Variants in ZNF83 observed in about 807,000 individuals in gnomAD.
ZNF83 encodes the protein zinc finger protein 816B.
For synonymous variants in ZNF83, 209 were observed against 213.0 expected (o/e 0.98, Z 0.17); for missense variants, 552 against 629.9 (o/e 0.88, Z 1.32).
intron 3 of ZNF83, chr19:52,655,431 C>A: frequency 1.1e-6 from 1 of 872,800 alleles, no homozygotes; most frequent in South Asian, 1.6e-5. Flanking sequence ...GGAGGATCAT[C>A]ACTGCAGAAA....
intron 2 of ZNF83, among the ~76,000 whole-genome samples, chr19:52,623,600 T>A (rs914439693): frequency 1.3e-5 from 2 of 151,998 alleles, no homozygotes; most frequent in African/African-American, 4.8e-5. Flanking sequence ...ACCCAAAGCC[T>A]CCTTCACGTC....
chr19:52,620,841 A>G (rs991948416), intron 2 of ZNF83, among the ~76,000 whole-genome samples: 2 of 152,118 alleles, frequency 1.3e-5, no homozygotes, highest in Admixed American at 6.5e-5. Context: ...CAACTGACCA[A>G]TGGATCAACC....
intron 2 of ZNF83, among the ~76,000 whole-genome samples, chr19:52,657,027 G>T (rs2095665733): frequency 6.6e-6 from 1 of 152,010 alleles, no homozygotes. Context: ...GAGGTGGGAG[G>T]ATTGCTTGAG....
chr19:52,623,289 A>G (rs115790943), intron 2 of ZNF83, among the ~76,000 whole-genome samples: 29 of 152,092 alleles, frequency 1.9e-4, no homozygotes, highest in African/African-American at 7.0e-4. Context: ...TAACTCTTAC[A>G]GTGGGGCGTA....
At chr19:52,680,652 G>A (rs1381319722) in intron 1 of ZNF83, among the ~76,000 whole-genome samples, 42 of 114,044 alleles carry the variant, frequency 3.7e-4, no homozygotes, top group African/African-American at 9.6e-4. Flanking sequence ...TCGCTCTGTC[G>A]CCCAGGCTGG....
At chr19:52,685,384 T>A (rs375079313) in intron 1 of ZNF83, among the ~76,000 whole-genome samples, 6 of 151,972 alleles carry the variant, frequency 3.9e-5, no homozygotes, top group African/African-American at 1.5e-4. Flanking sequence ...ATCACCCCTA[T>A]CCTTGAAAAT....
exon 3 of ZNF83, chr19:52,612,408 C>T (rs1431480091): frequency 6.6e-6 from 1 of 152,206 alleles, no homozygotes; most frequent in African/African-American, 2.4e-5. Context: ...GAGTGGATCT[C>T]TCACGACAAA....
chr19:52,681,245 T>A (rs2061912295), intron 1 of ZNF83, among the ~76,000 whole-genome samples: 1 of 126,792 alleles, frequency 7.9e-6, no homozygotes, highest in Non-Finnish European at 1.6e-5. Flanking sequence ...ATCACACCAC[T>A]GCACTCCAGC....
At chr19:52,618,585 T>C (rs112485438) in intron 2 of ZNF83, 93,788 of 245,548 alleles carry the variant, frequency 0.38, 18,407 homozygotes, top group Middle Eastern at 0.47. Context: ...TTAGTAGAGA[T>C]GACGTTTCGC....
intron 1 of ZNF83, among the ~76,000 whole-genome samples, chr19:52,675,420 G>A (rs3960371): frequency 0.31 from 46,487 of 151,904 alleles, 7,568 homozygotes; most frequent in African/African-American, 0.4. Flanking sequence ...GGATACAAGG[G>A]CTGAGCTGGG....
rs542883072 is a variant in ZNF83 at position 52,683,355 on chromosome 19, C to A, written c.-283+7088G>T. 5.3e-5 allele frequency among the ~76,000 whole-genome samples: 8 copies of A among 152,130 alleles called. No homozygotes were observed. In the South Asian group the frequency reaches 1.7e-3, roughly 32 times the overall value. The stretch of plus-strand genomic sequence containing the variant: ...CCACTGGCCTGGCAGGAGGAGGTGG[C>A]CCTCGGGCTGCAGTTCACTGTGCTG... On this transcript the variant is annotated intron_variant, in intron 1 of 5. Transcript: ENST00000594682.
chr19:52,632,847 A>C (rs2061016313), intron 2 of ZNF83, among the ~76,000 whole-genome samples: 1 of 152,014 alleles, frequency 6.6e-6, no homozygotes, highest in Non-Finnish European at 1.5e-5. Context: ...ACAGCCCCAC[A>C]ATATCACCCC....
At chr19:52,613,038 T>C in exon 3 of ZNF83, 1 of 1,602,490 alleles carries the variant, frequency 6.2e-7, no homozygotes, top group Non-Finnish European at 8.5e-7. Flanking sequence ...TAGATTTCTT[T>C]CCGGCATGAA....
At chr19:52,649,017 C>A (rs553466285) in intron 3 of ZNF83, among the ~76,000 whole-genome samples, 1 of 152,302 alleles carries the variant, frequency 6.6e-6, no homozygotes, top group East Asian at 1.9e-4. Context: ...TCATGCCCTG[C>A]CCCCTCAACG....
intron 1 of ZNF83, among the ~76,000 whole-genome samples, chr19:52,674,671 A>G (rs1184402868): frequency 6.6e-6 from 1 of 151,688 alleles, no homozygotes; most frequent in Admixed American, 6.5e-5. Flanking sequence ...TCCATTTTCT[A>G]GAGAATTTAA....
At chr19:52,616,989 C>G (rs543973291) in intron 2 of ZNF83, 2 of 152,090 alleles carry the variant, frequency 1.3e-5, no homozygotes, top group South Asian at 4.2e-4. Context: ...ACGATTAGAA[C>G]ACATGGTCAC....
At chr19:52,616,255 G>T (rs1372767085) in intron 2 of ZNF83, among the ~76,000 whole-genome samples, 2 of 152,188 alleles carry the variant, frequency 1.3e-5, no homozygotes, top group Non-Finnish European at 2.9e-5. Flanking sequence ...TTTTCAAATA[G>T]AGTAGGTCCA....
chr19:52,676,330 A>G (rs1425635425), intron 1 of ZNF83, among the ~76,000 whole-genome samples: 4 of 152,086 alleles, frequency 2.6e-5, no homozygotes, highest in Non-Finnish European at 4.4e-5. Context: ...TCGGCTCACT[A>G]CAACCTCCAC....
intron 3 of ZNF83, among the ~76,000 whole-genome samples, chr19:52,643,851 T>C (rs1481471976): frequency 6.6e-6 from 1 of 151,968 alleles, no homozygotes; most frequent in African/African-American, 2.4e-5. Context: ...AGGTACATAG[T>C]GTAAGAGCAG....
Sources: gnomAD v4.1 joint callset for allele counts (sites outside exome capture counted in the v4.1 genomes callset) on GRCh38, gnomAD v4.1.1 for gene constraint, MANE v1.5 for transcripts, NCBI Gene and HGNC (gene_info 2026-07-23, HGNC 2026-07-21) for gene names.